MGAT5B: variants seen among roughly 807,000 people sequenced by gnomAD.
MGAT5B encodes the protein alpha-1,6-mannosylglycoprotein 6-beta-N-acetylglucosaminyltransferase B.
Under a neutral mutation model 95.1 loss-of-function variants are expected in MGAT5B, and 54 were observed. That is an observed-to-expected ratio of 0.57 (90% CI 0.46 to 0.71). The LOEUF (loss-of-function observed/expected upper bound fraction) is 0.71. MGAT5B is among the 30% of genes least tolerant of loss of function. MGAT5B has a pLI of 0.00. For synonymous variants in MGAT5B, 464 were observed against 451.0 expected (o/e 1.03, Z -0.36); for missense variants, 935 against 1,088.6 (o/e 0.86, Z 1.99).
chr17:76,903,211 G>C, intron 4 of MGAT5B, 92 bp from the exon 5 acceptor site: 1 of 943,646 alleles, frequency 1.1e-6, no homozygotes, highest in East Asian at 2.7e-5. Flanking sequence ...CCTGGCAGCG[G>C]ATTGTGTGGG....
intron 17 of MGAT5B, 119 bp downstream of exon 17, chr17:76,948,205 C>A: frequency 2.1e-6 from 3 of 1,442,586 alleles, no homozygotes; most frequent in Non-Finnish European, 1.8e-6. Flanking sequence ...GGATGTAATG[C>A]TTTCCAATGA....
At chr17:76,947,402 T>C (rs1293586249) in intron 16 of MGAT5B, among the ~76,000 whole-genome samples, 1 of 152,018 alleles carries the variant, frequency 6.6e-6, no homozygotes, top group Non-Finnish European at 1.5e-5. Flanking sequence ...AGAAAAGCAT[T>C]CGCGGGGCCC....
At chr17:76,910,659 C>T (rs1968701255) in intron 8 of MGAT5B, among the ~76,000 whole-genome samples, 1 of 152,264 alleles carries the variant, frequency 6.6e-6, no homozygotes, top group Non-Finnish European at 1.5e-5. Flanking sequence ...TGTCCACACC[C>T]CACAGAGAAT....
In MGAT5B at chr17:76,915,879, C is replaced by T. The variant is rs1444822189; in HGVS notation, c.1026-9087C>T. Among the ~76,000 whole-genome samples, 1 of 152,230 alleles carries T rather than the reference C, an allele frequency of 6.6e-6. No individual in the cohort carries two copies. The highest frequency in any genetic ancestry group is 2.4e-5 in the African/African-American group (1 of 41,466). On this transcript the variant is annotated intron_variant, in intron 8 of 17. Coordinates refer to ENST00000569840, the MANE Select transcript of MGAT5B (RefSeq NM_001199172.2). The surrounding 1 kb of genome is among the most constrained non-coding windows in gnomAD (Gnocchi z 8.7). ...GGAGCGAGCGCAGGAGCACACATCC[C>T]AGCGGAGAGGCCTGGCAGCCAGACA...
intron 8 of MGAT5B, among the ~76,000 whole-genome samples, chr17:76,907,964 T>TTTCGTCTTGATGAGATGCCCATTGA (rs1968591772): frequency 6.6e-6 from 1 of 152,260 alleles, no homozygotes; most frequent in Non-Finnish European, 1.5e-5. Flanking sequence ...CCTGTGGTTC[T>TTTCGTCTTGATGAGATGCCCATTGA]TTCGTCTTGA....
rs938015678 is a variant in MGAT5B at position 76,914,589 on chromosome 17, G to A, written c.1025+8402G>A. On this transcript the variant is annotated intron_variant, in intron 8 of 17. Coordinates refer to ENST00000569840, the MANE Select transcript of MGAT5B (RefSeq NM_001199172.2). The surrounding 1 kb of genome is among the most constrained non-coding windows in gnomAD (Gnocchi z 5.1). ...GAGGGGTAGATGGTGTTCTCCCTAC[G>A]TCCACATCTCTTCCTCCCTCCATGC... is the stretch of plus-strand genomic sequence containing the variant. 3.3e-5 allele frequency among the ~76,000 whole-genome samples: 5 copies of A among 151,878 alleles called. No individual in the cohort carries two copies. The highest frequency in any genetic ancestry group is 2.1e-4 in the South Asian group (1 of 4,796).
At chr17:76,913,414 C>A (rs1968813183) in intron 8 of MGAT5B, among the ~76,000 whole-genome samples, 1 of 152,214 alleles carries the variant, frequency 6.6e-6, no homozygotes. Context: ...GCAGCTCAAA[C>A]CAGCTCCAGG....
chr17:76,943,553 T>G (rs1969932476), intron 15 of MGAT5B, among the ~76,000 whole-genome samples: 1 of 150,210 alleles, frequency 6.7e-6, no homozygotes. Context: ...TCTGGGTAAT[T>G]CTAATCTTCC....
chr17:76,880,134 C>A (rs572594777), intron 2 of MGAT5B, among the ~76,000 whole-genome samples: 1 of 152,166 alleles, frequency 6.6e-6, no homozygotes, highest in Admixed American at 6.5e-5. Flanking sequence ...TACCCGACCC[C>A]CTCCGTGAGC....
rs534333502 is a variant in MGAT5B, at chr17:76,902,952, G to A, written c.445+282G>A. On this transcript the variant is annotated intron_variant, in intron 4 of 17. Coordinates refer to ENST00000569840, the MANE Select transcript of MGAT5B (RefSeq NM_001199172.2). ...GCCACCTGGGGAAGGGTCCCTCGGC[G>A]GCCCCTCCAGTCCCTGTGATGTGGG... Among the ~76,000 whole-genome samples the A allele has an allele frequency of 2.4e-3, 360 of 152,146 alleles. 3 individuals are homozygous for A. The highest frequency in any genetic ancestry group is 7.9e-3 in the African/African-American group (329 of 41,502).
At chr17:76,887,996 C>T (rs1019387740) in intron 3 of MGAT5B, among the ~76,000 whole-genome samples, 21 of 152,238 alleles carry the variant, frequency 1.4e-4, no homozygotes, top group African/African-American at 5.1e-4. Context: ...GTCCCTCTGG[C>T]TCCTCCTGCT....
chr17:76,908,275 C>CTTTTTTTT (rs5822149), intron 8 of MGAT5B, among the ~76,000 whole-genome samples: 3 of 103,070 alleles, frequency 2.9e-5, no homozygotes, highest in African/African-American at 4.0e-5. Context: ...TTTCTTTCTT[C>CTTTTTTTT]TTTTTTTTTT....
chr17:76,917,285 C>T lies in MGAT5B; in HGVS notation c.1026-7681C>T, dbSNP rs980144210. 2.0e-5 allele frequency among the ~76,000 whole-genome samples: 3 copies of T among 151,898 alleles called. No individual in the cohort carries two copies. The highest frequency in any genetic ancestry group is 2.9e-5 in the Non-Finnish European group (2 of 67,992). ...TGCTGTGTCTCCGGCCTCTGCAGGG[C>T]CGTCCATAGTCATTTCTCAGCTGCC... On this transcript the variant is annotated intron_variant, in intron 8 of 17. Transcript: ENST00000569840. This position sits in a 1 kb window ranked among gnomAD's most constrained non-coding sequence, Gnocchi z 6.1.
At chr17:76,903,573 T>G (rs1374278508) in intron 5 of MGAT5B, among the ~76,000 whole-genome samples, 197 bp downstream of exon 5, 1 of 152,130 alleles carries the variant, frequency 6.6e-6, no homozygotes, top group Non-Finnish European at 1.5e-5. Flanking sequence ...TCACAGCAAA[T>G]GATTAAATCT....
chr17:76,871,689 G>A (rs1967017960), intron 1 of MGAT5B, among the ~76,000 whole-genome samples: 1 of 152,268 alleles, frequency 6.6e-6, no homozygotes, highest in Non-Finnish European at 1.5e-5. Flanking sequence ...GAGTGGAGGG[G>A]CAAGGCCCGG....
In MGAT5B at chr17:76,917,972, C is replaced by T. The variant is rs1209320878; in HGVS notation, c.1026-6994C>T. Among the ~76,000 whole-genome samples, 1 of 152,188 alleles carries T rather than the reference C, an allele frequency of 6.6e-6. No homozygotes were observed. On this transcript the variant is annotated intron_variant, in intron 8 of 17. Coordinates refer to ENST00000569840, the MANE Select transcript of MGAT5B (RefSeq NM_001199172.2). The surrounding 1 kb of genome is among the most constrained non-coding windows in gnomAD (Gnocchi z 6.1). The stretch of plus-strand genomic sequence containing the variant: ...CTGGGAACGACCGGAGGGCCGAGTT[C>T]CCGTTCCTCTTCCTGCAGCCGTGCT...
chr17:76,932,630 G>A lies in MGAT5B; in HGVS notation c.1292-15G>A, dbSNP rs375959719. On this transcript the variant is annotated splice_polypyrimidine_tract_variant and intron_variant, in intron 10 of 17. Coordinates refer to ENST00000569840, the MANE Select transcript of MGAT5B (RefSeq NM_001199172.2). ...TGTTTGGTGACCCCATTCCTTCTGC[G>A]TGCTCGGGCTGCAGCTCATACCCCC... 3.3e-4 allele frequency: 534 copies of A among 1,613,010 alleles called. 2 individuals carry two copies. Among genetic ancestry groups the A allele is most frequent in the Non-Finnish European group, 3.4e-4 (401 of 1,179,432 alleles).
rs1478282223 is a variant in MGAT5B, at chr17:76,902,628, G to A, written c.403G>A (p.Val135Met). The change falls in exon 4 of 18, where the codon GTG becomes ATG. Residue 135 changes from valine (V) to methionine (M), a missense_variant. Around this residue, in one of 4 missense-constraint regions of MGAT5B, gnomAD observed 243 missense variants for 228.2 expected, o/e 1.06. Transcript: ENST00000569840. ...AQNVSDIAVKVDQILRHSLLL... is the reference protein window; with the variant it reads ...AQNVSDIAVKMDQILRHSLLL... Reference sequence around the variant, plus strand: ...GAACGTCTCCGACATCGCTGTGAAGGTGGACCAGATCCTGCGCCACAGTCT... The same window carrying A: ...GAACGTCTCCGACATCGCTGTGAAGATGGACCAGATCCTGCGCCACAGTCT... The A allele has an allele frequency of 2.5e-6, 4 of 1,602,918 alleles. No homozygotes were observed. In the African/African-American group the frequency reaches 5.4e-5, roughly 21 times the overall value.
chr17:76,868,638 CGAGGGCGCGGGGCCGGGGAT>C lies in MGAT5B; in HGVS notation c.-383_-364del, dbSNP rs1382375775. 1 of 147,656 alleles carries C rather than the reference CGAGGGCGCGGGGCCGGGGAT, an allele frequency of 6.8e-6. No individual in the cohort carries two copies. The highest frequency in any genetic ancestry group is 1.5e-5 in the Non-Finnish European group (1 of 66,276). The allele number at this position is 147,656 out of a possible 1,614,324, so 9.1% of individuals were successfully genotyped here. On this transcript the variant is annotated 5_prime_UTR_variant, in exon 1 of 18. The change abolishes an upstream ATG in the 5' untranslated region. Transcript: ENST00000569840. The surrounding 1 kb of genome is among the most constrained non-coding windows in gnomAD (Gnocchi z 6.3). ...GCCCGGGGCCGCCTTTAGCCGGCAC[CGAGGGCGCGGGGCCGGGGAT>C]GAGGGCGCCCGCCGCGGGGAGCCCG...
Sources: gnomAD v4.1 joint callset for allele counts (sites outside exome capture counted in the v4.1 genomes callset) on GRCh38, gnomAD v4.1.1 for gene constraint, gnomAD v4.1.1 regional missense constraint, Gnocchi (gnomAD v3.1) non-coding constraint, MANE v1.5 for transcripts, NCBI Gene and HGNC (gene_info 2026-07-23, HGNC 2026-07-21) for gene names.